The following CEBPZ variants were observed in gnomAD, a reference collection of about 807,000 sequenced individuals.
The protein encoded by CEBPZ is CCAAT/enhancer-binding protein zeta.
CEBPZ carries 78 observed loss-of-function variants against 104.5 expected under a neutral mutation model. The observed-to-expected ratio is 0.75, with a 90% CI of 0.62 to 0.90. The LOEUF is 0.90. Among genes scored for constraint, CEBPZ ranks in the 40% least tolerant of loss-of-function variants. The probability of loss-of-function intolerance (pLI) is 0.00; values close to 1 mark genes in which losing one functional copy is unlikely to be tolerated. For missense variants in CEBPZ, 1,439 were observed against 1,233.5 expected, an observed-to-expected ratio of 1.17 and a Z score of -2.50; for synonymous variants, 470 against 427.0, an observed-to-expected ratio of 1.10 and a Z score of -1.24.
Position 37,212,401 on chromosome 2 carries a change from C to G in CEBPZ, c.2546-9G>C, listed in dbSNP as rs1677750984. On this transcript the variant is annotated splice_polypyrimidine_tract_variant and intron_variant, in intron 10 of 15. Coordinates refer to ENST00000234170, the MANE Select transcript of CEBPZ (RefSeq NM_005760.3). ...ATCATCTTCAAATGTGTCTGCCAGA[C>G]AATACAGAAATGTGAGATACAACAA... 6.2e-7 allele frequency: 1 copy of G among 1,610,340 alleles called. No individual in the cohort carries two copies. Among genetic ancestry groups the G allele is most frequent in the South Asian group, 1.1e-5 (1 of 90,908 alleles).
chr2:37,226,449 C>A lies in CEBPZ; in HGVS notation c.1649+1095G>T, dbSNP rs552685464. ...TGGGTTAACACACATAACCTCCCAA[C>A]CTTCATTAAAGCCCCAGTTCTGTCA... On this transcript the variant is annotated intron_variant, in intron 2 of 15. Transcript: ENST00000234170. 4.6e-5 allele frequency among the ~76,000 whole-genome samples: 7 copies of A among 152,310 alleles called. No homozygotes were observed. In the South Asian group the frequency reaches 1.4e-3, roughly 32 times the overall value.
Position 37,228,740 on chromosome 2 carries a change from C to T in CEBPZ, c.453G>A (p.Glu151=), listed in dbSNP as rs1267997873. ...NKNRPEPHSD[E]NGSTTPKVKK... is the part of the protein sequence containing the mutation. The stretch of plus-strand genomic sequence containing the variant: ...TTACTTTCGGTGTGGTACTGCCATT[C>T]TCATCAGAATGTGGTTCTGGCCTAT... The change falls in exon 2 of 16, where the codon GAG becomes GAA. Residue 151 remains glutamate, a synonymous_variant. Coordinates refer to ENST00000234170, the MANE Select transcript of CEBPZ (RefSeq NM_005760.3). The T allele has an allele frequency of 1.2e-5, 19 of 1,614,182 alleles. No homozygotes were observed. Among genetic ancestry groups the T allele is most frequent in the Non-Finnish European group, 1.6e-5 (19 of 1,180,020 alleles).
chr2:37,218,199 G>A (rs577492482), intron 5 of CEBPZ, among the ~76,000 whole-genome samples: 21 of 151,904 alleles, frequency 1.4e-4, no homozygotes, highest in African/African-American at 2.2e-4. Flanking sequence ...CCCGGGAGGC[G>A]GAGCTTGCAG....
In CEBPZ at chr2:37,228,530, T is replaced by A; in HGVS notation, c.663A>T (p.Lys221Asn). 1 of 1,614,198 alleles carries A rather than the reference T, an allele frequency of 6.2e-7. No homozygotes were observed. The highest frequency in any genetic ancestry group is 8.5e-7 in the Non-Finnish European group (1 of 1,180,042). The change falls in exon 2 of 16, where the codon AAA becomes AAT. Residue 221 changes from lysine (K) to asparagine (N), a missense_variant. Lys to Asn is a moderately conservative substitution (Grantham distance 94). Transcript: ENST00000234170. ...CTCCCTTTTGACTATTCGTCTTACT[T>A]TTGAATAAGTTGATTTCATGCTGAT... The part of the protein sequence containing the change: ...KLYQHEINLF[K>N]SKTNSQKGAS...
Position 37,201,651 on chromosome 2 carries a change from A to T in CEBPZ, c.*113T>A. On this transcript the variant is annotated 3_prime_UTR_variant, in exon 16 of 16. Coordinates refer to ENST00000234170, the MANE Select transcript of CEBPZ (RefSeq NM_005760.3). ...CTATTTTTATTTATAGTTTATTACA[A>T]ATCCACTGAGAAGTCTGGAATGTAT... The T allele has an allele frequency of 2.7e-6, 2 of 744,240 alleles. 1 individual carries two copies. Among genetic ancestry groups the T allele is most frequent in the South Asian group, 3.1e-5 (2 of 64,508 alleles). The allele number at this position is 744,240 out of a possible 1,614,324, so 46.1% of individuals were successfully genotyped here. A position where few individuals can be genotyped will look rare whatever the true frequency, so the allele number is the denominator to read the frequency against.
At position 37,222,375 on chromosome 2, in the gene CEBPZ, C is replaced by T. The variant is rs755073605; in HGVS notation, c.2065+5G>A. ...CCCTAGAGAATAAAGATGAAAAAAA[C>T]TCACCTTTCAAATTATCAAAGTGCA... On this transcript the variant is annotated splice_donor_5th_base_variant and intron_variant, in intron 4 of 15. Transcript: ENST00000234170. The T allele has an allele frequency of 6.4e-7, 1 of 1,566,760 alleles. No homozygotes were observed. Among genetic ancestry groups the T allele is most frequent in the Non-Finnish European group, 8.6e-7 (1 of 1,163,374 alleles).
Position 37,211,993 on chromosome 2 carries a change from CAT to C in CEBPZ, c.2648_2649del (p.Asp883GlyfsTer6). 2 of 1,611,090 alleles carry C rather than the reference CAT, an allele frequency of 1.2e-6. No homozygotes were observed. The highest frequency in any genetic ancestry group is 1.7e-6 in the Non-Finnish European group (2 of 1,179,196). On this transcript the variant is annotated frameshift_variant, in exon 12 of 16. Transcript: ENST00000234170. LOFTEE classifies it high-confidence loss of function. ...RTKGAKDNTL[D>X]EDSEGSDDEL... is the part of the protein sequence containing the mutation. ...TCATCATCACTACCTTCTGAATCTT[CAT>C]CTAATGTGTTATCCTTAGCTCCTTT...
rs779975571 is a variant in CEBPZ at position 37,228,972 on chromosome 2, C to A, written c.221G>T (p.Gly74Val). Residue 74 changes from glycine (G) to valine (V), a missense_variant, in exon 2 of 16, where the codon GGA becomes GTA. Physicochemically the swap from Gly to Val is moderately radical, Grantham distance 109. Transcript: ENST00000234170. ...NEEVIDGGKK[G>V]AIDDLQQGEL... ...ACCTTGCTGAAGGTCATCGATTGCT[C>A]CTTTTTTGCCTCCATCTATCACTTC... 15 of 1,600,168 alleles carry A rather than the reference C, an allele frequency of 9.4e-6. No individual in the cohort carries two copies. Among genetic ancestry groups the A allele is most frequent in the Non-Finnish European group, 1.2e-5 (14 of 1,175,942 alleles).
intron 10 of CEBPZ, among the ~76,000 whole-genome samples, chr2:37,213,205 T>C (rs1677782451): frequency 6.6e-6 from 1 of 152,210 alleles, no homozygotes. Context: ...GATCAAACAG[T>C]AGACTATTGC....
chr2:37,221,847 A>C (rs964692564), intron 4 of CEBPZ, among the ~76,000 whole-genome samples: 14 of 152,256 alleles, frequency 9.2e-5, no homozygotes, highest in African/African-American at 2.9e-4. Flanking sequence ...TCACAGCCTC[A>C]AATGAAGGGG....
At chr2:37,223,561 A>G (rs1009523342) in intron 2 of CEBPZ, among the ~76,000 whole-genome samples, 160 bp from the exon 3 acceptor site, 3 of 152,234 alleles carry the variant, frequency 2.0e-5, no homozygotes, top group Admixed American at 6.5e-5. Context: ...ATGGAAGTCA[A>G]TGACCAGAAA....
At chr2:37,213,066 C>T (rs564933851) in intron 10 of CEBPZ, among the ~76,000 whole-genome samples, 2 of 151,714 alleles carry the variant, frequency 1.3e-5, no homozygotes, top group East Asian at 1.9e-4. Flanking sequence ...ACAAACCCCC[C>T]AAAAAACAAC....
At chr2:37,206,198 C>T (rs1158959600) in intron 13 of CEBPZ, among the ~76,000 whole-genome samples, 1 of 152,176 alleles carries the variant, frequency 6.6e-6, no homozygotes, top group East Asian at 1.9e-4. Flanking sequence ...GTGCAGCTCC[C>T]ACATGGATGG....
chr2:37,203,075 A>G (rs1572487984), intron 13 of CEBPZ, 67 bp from the exon 14 acceptor site: 2 of 1,077,332 alleles, frequency 1.9e-6, no homozygotes, highest in Non-Finnish European at 2.7e-6. Context: ...ATGCAATGCA[A>G]CATGATTTTA....
chr2:37,205,275 G>A (rs997972307), intron 13 of CEBPZ, among the ~76,000 whole-genome samples: 2 of 152,116 alleles, frequency 1.3e-5, no homozygotes, highest in Non-Finnish European at 2.9e-5. Context: ...TGACCTGCAC[G>A]CACACATCCA....
At chr2:37,211,591 G>A (rs1677722004) in intron 12 of CEBPZ, 2 of 431,060 alleles carry the variant, frequency 4.6e-6, no homozygotes, top group Non-Finnish European at 8.2e-6. Flanking sequence ...AACATGTATT[G>A]TACAGAGAAG....
chr2:37,214,780 TAGTAGATTATTGA>T (rs1677828293), intron 9 of CEBPZ, 93 bp downstream of exon 9: 5 of 694,518 alleles, frequency 7.2e-6, no homozygotes, highest in Non-Finnish European at 1.3e-5. Context: ...TTACACACAG[TAGTAGATTATTGA>T]AGTAGATTAT....
intron 3 of CEBPZ, 128 bp downstream of exon 3, chr2:37,223,041 TC>T (rs1664805883): frequency 2.8e-6 from 2 of 727,256 alleles, no homozygotes; most frequent in African/African-American, 3.6e-5. Context: ...TCTAGGTTTG[TC>T]CTATTCCAGA....
Position 37,222,312 on chromosome 2 carries a change from G to C in CEBPZ, c.2065+68C>G, listed in dbSNP as rs138366554. On this transcript the variant is annotated intron_variant, in intron 4 of 15. Transcript: ENST00000234170. ...AAATAAATAAGTAAATAAAATGGTA[G>C]AATGCTATTTTCTATGAAAATCAAA... 7 of 1,247,032 alleles carry C rather than the reference G, an allele frequency of 5.6e-6. No individual in the cohort carries two copies. The South Asian group carries it at 7.9e-5, about 14-fold the overall frequency. 77.2% of individuals were successfully genotyped at this position (1,247,032 alleles called of 1,614,324 possible).
Sources: gnomAD v4.1 joint callset for allele counts (sites outside exome capture counted in the v4.1 genomes callset) on GRCh38, gnomAD v4.1.1 for gene constraint, MANE v1.5 for transcripts, NCBI Gene and HGNC (gene_info 2026-07-23, HGNC 2026-07-21) for gene names.